Variants in CYRIA observed in about 807,000 individuals in gnomAD.
CYRIA encodes CYFIP-related Rac1 interactor A.
CYRIA carries 15 observed loss-of-function variants against 43.9 expected under a neutral mutation model. That is an observed-to-expected ratio of 0.34 (90% confidence interval 0.23 to 0.53). The LOEUF (loss-of-function observed/expected upper bound fraction) is 0.53. Among genes scored for constraint, CYRIA ranks in the 20% least tolerant of loss-of-function variants. CYRIA has a pLI of 0.94. For synonymous variants in CYRIA, 117 were observed against 136.0 expected (o/e 0.86, Z 0.97); for missense variants, 236 against 394.2 (o/e 0.60, Z 3.40).
In CYRIA at chr2:16,550,412, G is replaced by A. The variant is rs896955645; in HGVS notation, c.*2524C>T. On this transcript the variant is annotated 3_prime_UTR_variant, in exon 12 of 12. Transcript: ENST00000381323. ...TGTCTCCCACAATATCTCTGGAGTG[G>A]GCACAAAGCCCATCACCTGTTAGTG... is the stretch of plus-strand genomic sequence containing the variant. 2 of 152,010 alleles carry A rather than the reference G, an allele frequency of 1.3e-5. No homozygotes were observed. The highest frequency in any genetic ancestry group is 4.8e-5 in the African/African-American group (2 of 41,392). 9.4% of individuals were successfully genotyped at this position (152,010 alleles called of 1,614,324 possible).
At chr2:16,627,427 C>T (rs182195347) in intron 1 of CYRIA, among the ~76,000 whole-genome samples, 1 of 152,344 alleles carries the variant, frequency 6.6e-6, no homozygotes, top group Non-Finnish European at 1.5e-5. Context: ...ATAGCTAACA[C>T]TGATCAAGTA....
chr2:16,645,616 T>C (rs187218025), intron 1 of CYRIA, among the ~76,000 whole-genome samples: 2 of 152,322 alleles, frequency 1.3e-5, no homozygotes, highest in Non-Finnish European at 2.9e-5. Flanking sequence ...TTTCTACCTA[T>C]GACTCTAATA....
Position 16,550,006 on chromosome 2 carries a change from G to GC in CYRIA, c.*2929_*2930insG, listed in dbSNP as rs1376636088. ...CCAGTTGTTTTTTTTTTTTGTTATT[G>GC]TTTTTTTTTTTCTACTACTAATTCC... On this transcript the variant is annotated 3_prime_UTR_variant, in exon 12 of 12. Transcript: ENST00000381323. 36 of 135,780 alleles carry GC rather than the reference G, an allele frequency of 2.7e-4. No individual in the cohort carries two copies. The highest frequency in any genetic ancestry group is 1.1e-3 in the Admixed American group (15 of 13,594). The allele number at this position is 135,780 out of a possible 1,614,324, so 8.4% of individuals were successfully genotyped here.
intron 1 of CYRIA, among the ~76,000 whole-genome samples, chr2:16,631,767 C>A (rs1197409163): frequency 6.6e-6 from 1 of 152,194 alleles, no homozygotes; most frequent in South Asian, 2.1e-4. Flanking sequence ...TCAGATGTAA[C>A]GGTATGTTAC....
At chr2:16,636,806 A>AG (rs1558437547) in intron 1 of CYRIA, among the ~76,000 whole-genome samples, 5 of 135,224 alleles carry the variant, frequency 3.7e-5, no homozygotes, top group East Asian at 6.5e-4. Context: ...AAAAAAAAAA[A>AG]TAAGAAAGAA....
At chr2:16,591,664 C>T (rs1322052964) in intron 2 of CYRIA, among the ~76,000 whole-genome samples, 1 of 152,100 alleles carries the variant, frequency 6.6e-6, no homozygotes, top group East Asian at 1.9e-4. Flanking sequence ...TGGATACCCT[C>T]TTAATGTGAC....
chr2:16,662,142 T>C (rs1670274227), intron 1 of CYRIA, among the ~76,000 whole-genome samples: 2 of 152,182 alleles, frequency 1.3e-5, no homozygotes, highest in African/African-American at 2.4e-5. Flanking sequence ...TAGTGAGCAA[T>C]AATTTGAAAA....
intron 1 of CYRIA, among the ~76,000 whole-genome samples, chr2:16,647,246 C>A (rs10164579): frequency 9.2e-5 from 14 of 151,992 alleles, no homozygotes; most frequent in African/African-American, 3.1e-4. Flanking sequence ...TGCAAATTAG[C>A]GAGTTGAAAT....
intron 1 of CYRIA, among the ~76,000 whole-genome samples, chr2:16,654,642 T>A (rs1036604129): frequency 4.6e-5 from 7 of 151,820 alleles, no homozygotes; most frequent in East Asian, 1.9e-4. Context: ...AAGCAAATTT[T>A]AAAAAAAACC....
At chr2:16,561,373 T>C in intron 7 of CYRIA, 83 bp downstream of exon 7, 1 of 1,495,856 alleles carries the variant, frequency 6.7e-7, no homozygotes, top group Non-Finnish European at 9.3e-7. Flanking sequence ...AAGGACATTG[T>C]CTTCTGTCTG....
chr2:16,572,602 C>A (rs1667174470), intron 3 of CYRIA, among the ~76,000 whole-genome samples: 1 of 152,144 alleles, frequency 6.6e-6, no homozygotes, highest in South Asian at 2.1e-4. Context: ...AGATGATAGG[C>A]TGATCTGACT....
At chr2:16,571,089 A>G (rs1237978197) in intron 3 of CYRIA, among the ~76,000 whole-genome samples, 2 of 152,186 alleles carry the variant, frequency 1.3e-5, no homozygotes, top group Admixed American at 6.5e-5. Flanking sequence ...GCTACTGTGG[A>G]AAGTTTGAAA....
intron 1 of CYRIA, among the ~76,000 whole-genome samples, chr2:16,632,458 C>T (rs941560102): frequency 4.0e-5 from 6 of 148,920 alleles, no homozygotes; most frequent in South Asian, 2.2e-4. Context: ...AGTCATTACA[C>T]ACTCATGAGC....
chr2:16,651,477 T>A (rs560559942), intron 1 of CYRIA, among the ~76,000 whole-genome samples: 1 of 152,236 alleles, frequency 6.6e-6, no homozygotes, highest in African/African-American at 2.4e-5. Flanking sequence ...CCTGGAGAAG[T>A]AAAGTTGATA....
At chr2:16,653,486 T>C (rs1670025235) in intron 1 of CYRIA, among the ~76,000 whole-genome samples, 1 of 152,258 alleles carries the variant, frequency 6.6e-6, no homozygotes, top group South Asian at 2.1e-4. Flanking sequence ...TCCTTCTGTA[T>C]ACCCATCTCT....
At chr2:16,626,971 A>G (rs1572186902) in intron 1 of CYRIA, among the ~76,000 whole-genome samples, 1 of 152,112 alleles carries the variant, frequency 6.6e-6, no homozygotes, top group Non-Finnish European at 1.5e-5. Flanking sequence ...AGGGGTAATC[A>G]CCCCAGTTTA....
chr2:16,653,545 T>C (rs1027522498), intron 1 of CYRIA, among the ~76,000 whole-genome samples: 52 of 152,156 alleles, frequency 3.4e-4, no homozygotes, highest in Admixed American at 3.3e-3. Context: ...TGATATACAT[T>C]TTACTTGTTT....
chr2:16,649,530 G>A (rs1437424643), intron 1 of CYRIA, among the ~76,000 whole-genome samples: 2 of 151,666 alleles, frequency 1.3e-5, no homozygotes, highest in African/African-American at 2.4e-5. Flanking sequence ...GGGCATGGCT[G>A]TACAGTACAG....
At chr2:16,624,609 C>T (rs1398613883) in intron 1 of CYRIA, among the ~76,000 whole-genome samples, 1 of 152,104 alleles carries the variant, frequency 6.6e-6, no homozygotes, top group Non-Finnish European at 1.5e-5. Context: ...GCCCAGGTCT[C>T]TCTCTCTCTC....
Sources: allele counts gnomAD v4.1 joint callset (sites outside exome capture counted in the v4.1 genomes callset), GRCh38; gene constraint gnomAD v4.1.1; transcripts MANE v1.5; gene names NCBI Gene and HGNC (gene_info 2026-07-23, HGNC 2026-07-21).